Variants in ADK observed in about 807,000 individuals in gnomAD.
ADK encodes adenosine kinase.
ADK carries 24 observed loss-of-function variants against 44.7 expected under a neutral mutation model. That is an observed-to-expected ratio of 0.54 (90% confidence interval 0.39 to 0.76). The LOEUF is 0.76. Among genes scored for constraint, ADK ranks in the 30% least tolerant of loss-of-function variants. ADK has a pLI of 0.00. For synonymous variants in ADK, 128 were observed against 142.6 expected (o/e 0.90, Z 0.73); for missense variants, 321 against 425.1 (o/e 0.76, Z 2.15).
At position 74,300,235 on chromosome 10, in the gene ADK, T is replaced by TC. The variant is rs1491525807; in HGVS notation, c.195-14432_195-14431insC. 4.2e-3 allele frequency among the ~76,000 whole-genome samples: 332 copies of TC among 78,518 alleles called. 3 individuals are homozygous for TC. The highest frequency in any genetic ancestry group is 0.012 in the African/African-American group (307 of 25,968). 51.5% of individuals were successfully genotyped at this position (78,518 alleles called of 152,430 possible). On this transcript the variant is annotated intron_variant, in intron 3 of 10. Transcript: ENST00000539909. ...GATATTGTTGTTGTTTGTTTCTTTC[T>TC]TTCTCTCTCTCTCTCTCTCCTTGTT...
At chr10:74,531,333 C>T (rs1454239477) in intron 7 of ADK, among the ~76,000 whole-genome samples, 2 of 152,038 alleles carry the variant, frequency 1.3e-5, no homozygotes. Context: ...TCTGGTCCCT[C>T]CTGTCAATAT....
chr10:74,566,360 C>CCA (rs1007443282), intron 7 of ADK, among the ~76,000 whole-genome samples: 8 of 151,948 alleles, frequency 5.3e-5, no homozygotes, highest in African/African-American at 1.9e-4. Flanking sequence ...ACATGCACCA[C>CCA]CACACCCGGC....
At chr10:74,661,489 A>T (rs1854724916) in intron 9 of ADK, among the ~76,000 whole-genome samples, 1 of 152,224 alleles carries the variant, frequency 6.6e-6, no homozygotes, top group South Asian at 2.1e-4. Flanking sequence ...AAGTATACAA[A>T]GCATTTGATG....
At chr10:74,404,979 A>G (rs1378184391) in intron 6 of ADK, among the ~76,000 whole-genome samples, 1 of 151,800 alleles carries the variant, frequency 6.6e-6, no homozygotes. Flanking sequence ...ATTTGCAGCC[A>G]TTATACATCT....
At chr10:74,197,550 A>G (rs113150740) in intron 1 of ADK, among the ~76,000 whole-genome samples, 1 of 152,088 alleles carries the variant, frequency 6.6e-6, no homozygotes, top group African/African-American at 2.4e-5. Flanking sequence ...AAATATAAAA[A>G]TTAGCCAGGC....
intron 7 of ADK, among the ~76,000 whole-genome samples, chr10:74,542,882 TTA>T (rs199770857): frequency 0.016 from 2,422 of 150,962 alleles, 33 homozygotes; most frequent in Non-Finnish European, 0.028. Flanking sequence ...TAATTTTATT[TTA>T]GTTATTTATT....
chr10:74,330,473 C>G (rs931743451), intron 4 of ADK, among the ~76,000 whole-genome samples: 1 of 152,134 alleles, frequency 6.6e-6, no homozygotes, highest in Non-Finnish European at 1.5e-5. Context: ...TAATACTTCT[C>G]CATTGAAAAG....
chr10:74,532,944 A>G (rs1167361985), intron 7 of ADK, among the ~76,000 whole-genome samples: 2 of 146,012 alleles, frequency 1.4e-5, no homozygotes, highest in Admixed American at 1.4e-4. Context: ...AAAAAAAGCT[A>G]TTAGAACTAA....
chr10:74,550,014 G>T (rs1351615508), intron 7 of ADK, among the ~76,000 whole-genome samples: 4 of 151,760 alleles, frequency 2.6e-5, no homozygotes, highest in Non-Finnish European at 5.9e-5. Context: ...CTAATGATTT[G>T]CAGTCAGGGA....
intron 7 of ADK, among the ~76,000 whole-genome samples, 180 bp from the exon 8 acceptor site, chr10:74,589,102 T>A (rs572418797): frequency 9.7e-4 from 147 of 152,246 alleles, no homozygotes; most frequent in Non-Finnish European, 1.8e-3. Context: ...CTGCCTTTTT[T>A]TATTATTATT....
At chr10:74,492,973 C>G (rs116122469) in intron 6 of ADK, among the ~76,000 whole-genome samples, 7,135 of 152,158 alleles carry the variant, frequency 0.047, 583 homozygotes, top group African/African-American at 0.16. Flanking sequence ...TGTTCACATG[C>G]TAGTTTTGAC....
At chr10:74,399,552 A>G (rs1015398515) in intron 6 of ADK, among the ~76,000 whole-genome samples, 1 of 151,960 alleles carries the variant, frequency 6.6e-6, no homozygotes, top group African/African-American at 2.4e-5. Context: ...TATATAATGG[A>G]AAGTTATGCT....
At chr10:74,666,098 A>G (rs1854949025) in intron 9 of ADK, among the ~76,000 whole-genome samples, 1 of 152,218 alleles carries the variant, frequency 6.6e-6, no homozygotes, top group African/African-American at 2.4e-5. Flanking sequence ...TCAATTAGAT[A>G]TTGTGGCAAT....
chr10:74,571,015 CA>C (rs1850934618), intron 7 of ADK, among the ~76,000 whole-genome samples: 1 of 152,180 alleles, frequency 6.6e-6, no homozygotes, highest in African/African-American at 2.4e-5. Context: ...TGAATTTTAT[CA>C]AAGGCCTTTT....
intron 4 of ADK, chr10:74,371,922 G>T: frequency 2.1e-6 from 3 of 1,425,454 alleles, no homozygotes; most frequent in South Asian, 1.1e-5. Flanking sequence ...CCCCAGGGCT[G>T]ACCACCAGCC....
intron 1 of ADK, among the ~76,000 whole-genome samples, chr10:74,187,782 CTT>C: frequency 6.6e-6 from 1 of 152,148 alleles, no homozygotes; most frequent in East Asian, 1.9e-4. Flanking sequence ...TTAAACTACT[CTT>C]TTGCTATCAT....
intron 10 of ADK, among the ~76,000 whole-genome samples, chr10:74,696,847 T>C (rs1377301313): frequency 1.3e-5 from 2 of 152,218 alleles, no homozygotes; most frequent in Non-Finnish European, 2.9e-5. Context: ...GGGGTCCTTA[T>C]AGGTGTAATA....
In ADK at chr10:74,200,849, A is replaced by G. The variant is rs1564588783; in HGVS notation, c.140+11A>G. ...AGATTTCCTTGATAAGTAAGTATTA[A>G]ACTCTTCATATGCACTATGTGGAAC... On this transcript the variant is annotated intron_variant, in intron 2 of 10. Coordinates refer to ENST00000539909, the MANE Select transcript of ADK (RefSeq NM_006721.4). 64 of 1,535,068 alleles carry G rather than the reference A, an allele frequency of 4.2e-5. No individual in the cohort carries two copies. Among genetic ancestry groups the G allele is most frequent in the Non-Finnish European group, 5.4e-5 (60 of 1,108,880 alleles).
chr10:74,610,119 A>G (rs1309767093), intron 9 of ADK, among the ~76,000 whole-genome samples: 1 of 152,188 alleles, frequency 6.6e-6, no homozygotes, highest in African/African-American at 2.4e-5. Flanking sequence ...ATGCCCACCC[A>G]TCTTCATAGC....
Sources: allele counts gnomAD v4.1 joint callset (sites outside exome capture counted in the v4.1 genomes callset), GRCh38; gene constraint gnomAD v4.1.1; transcripts MANE v1.5; gene names NCBI Gene and HGNC (gene_info 2026-07-23, HGNC 2026-07-21).